Variants in FAM20A observed in about 807,000 individuals in gnomAD.
The protein encoded by FAM20A is FAM20A golgi associated secretory pathway pseudokinase.
In FAM20A, 42 loss-of-function variants were observed where a neutral mutation model predicts 52.0. The observed-to-expected ratio is 0.81, with a 90% CI of 0.63 to 1.04. The LOEUF (loss-of-function observed/expected upper bound fraction) is 1.04, where lower values mean the gene tolerates loss of function less well. Among genes scored for constraint, FAM20A ranks in the 50% least tolerant of loss-of-function variants. FAM20A has a pLI of 0.00. For synonymous variants in FAM20A, 304 were observed against 298.9 expected, an observed-to-expected ratio of 1.02 and a Z score of -0.18; for missense variants, 742 against 712.7, an observed-to-expected ratio of 1.04 and a Z score of -0.47.
intron 1 of FAM20A, among the ~76,000 whole-genome samples, chr17:68,576,863 C>A (rs540748526): frequency 1.3e-5 from 2 of 152,204 alleles, no homozygotes; most frequent in Non-Finnish European, 2.9e-5. Flanking sequence ...CCAGGCTGAG[C>A]TAGTTGCCTA....
chr17:68,546,646 C>T (rs1217717847), intron 4 of FAM20A, among the ~76,000 whole-genome samples: 3 of 151,912 alleles, frequency 2.0e-5, no homozygotes, highest in East Asian at 1.9e-4. Context: ...CTGGCTAACA[C>T]GGTGAAACCC....
At chr17:68,573,002 C>T (rs983805510) in intron 1 of FAM20A, among the ~76,000 whole-genome samples, 5 of 152,170 alleles carry the variant, frequency 3.3e-5, no homozygotes, top group Non-Finnish European at 7.3e-5. Context: ...AAGAGAAATG[C>T]ACCCCCGCTT....
intron 1 of FAM20A, among the ~76,000 whole-genome samples, chr17:68,585,152 G>C (rs1324424118): frequency 6.6e-6 from 1 of 152,184 alleles, no homozygotes; most frequent in Non-Finnish European, 1.5e-5. Context: ...AGGGAATCTA[G>C]GCTGGCCCTT....
intron 1 of FAM20A, among the ~76,000 whole-genome samples, chr17:68,576,319 C>T (rs2087766489): frequency 6.6e-6 from 1 of 152,222 alleles, no homozygotes. Context: ...AAGACAGGTC[C>T]ATTGTTAGCC....
chr17:68,580,494 C>T (rs1278693408), intron 1 of FAM20A, among the ~76,000 whole-genome samples: 1 of 152,214 alleles, frequency 6.6e-6, no homozygotes, highest in African/African-American at 2.4e-5. Context: ...CTAACTGTGT[C>T]CTTAACCTTA....
intron 4 of FAM20A, among the ~76,000 whole-genome samples, chr17:68,546,066 G>A (rs912503051): frequency 6.6e-6 from 1 of 151,328 alleles, no homozygotes; most frequent in Non-Finnish European, 1.5e-5. Flanking sequence ...CTACTTGGGA[G>A]GCTGAGGCAG....
At chr17:68,563,641 A>G (rs76082554) in intron 1 of FAM20A, among the ~76,000 whole-genome samples, 6,156 of 152,146 alleles carry the variant, frequency 0.04, 430 homozygotes, top group African/African-American at 0.14. Flanking sequence ...TCAACATGAT[A>G]GGCATCTTTC....
At chr17:68,588,816 C>A (rs1369008712) in intron 1 of FAM20A, among the ~76,000 whole-genome samples, 2 of 152,232 alleles carry the variant, frequency 1.3e-5, no homozygotes, top group Non-Finnish European at 2.9e-5. Context: ...TTTGAAGAGA[C>A]ACAATTCAGT....
chr17:68,573,696 T>G (rs1180270761), intron 1 of FAM20A, among the ~76,000 whole-genome samples: 1 of 151,692 alleles, frequency 6.6e-6, no homozygotes, highest in Non-Finnish European at 1.5e-5. Context: ...TTTTTTTCTT[T>G]CAACAGAGTT....
Position 68,542,789 on chromosome 17 carries a change from A to T in FAM20A, c.833T>A (p.Val278Glu). The T allele has an allele frequency of 6.2e-7, 1 of 1,614,070 alleles. No individual in the cohort carries two copies. Among genetic ancestry groups the T allele is most frequent in the Admixed American group, 1.7e-5 (1 of 60,028 alleles). The change falls in exon 6 of 11, where the codon GTG becomes GAG. Residue 278 changes from valine (V) to glutamate (E), a missense_variant. Physicochemically the swap from Val to Glu is moderately radical, Grantham distance 121 (BLOSUM62 -2). Coordinates refer to ENST00000592554, the MANE Select transcript of FAM20A (RefSeq NM_017565.4). ...HLDRILDFRR[V>E]PPTVGRIVNV... ...TACTATCCTCCCCACTGTTGGCGGC[A>T]CCCGTCGGAAGTCCAGAATCCTGCA...
intron 4 of FAM20A, among the ~76,000 whole-genome samples, chr17:68,548,725 A>AT (rs753348891): frequency 0.13 from 10,186 of 78,928 alleles, 1,175 homozygotes; most frequent in African/African-American, 0.21. Context: ...ATGCCTGTAT[A>AT]TTTTTTTTTT....
intron 1 of FAM20A, among the ~76,000 whole-genome samples, chr17:68,581,414 CTTTTTCTCT>C (rs767041979): frequency 3.2e-3 from 352 of 110,856 alleles, no homozygotes; most frequent in African/African-American, 0.01. Flanking sequence ...TTCTTTCTTT[CTTTTTCTCT>C]TTTCTTTCTT....
At chr17:68,583,632 G>T (rs1427956025) in intron 1 of FAM20A, among the ~76,000 whole-genome samples, 1 of 152,158 alleles carries the variant, frequency 6.6e-6, no homozygotes, top group African/African-American at 2.4e-5. Context: ...TAAGATGATA[G>T]TTGGCTGGTT....
intron 10 of FAM20A, among the ~76,000 whole-genome samples, chr17:68,539,040 C>G (rs1227618160): frequency 6.6e-6 from 1 of 152,114 alleles, no homozygotes; most frequent in Non-Finnish European, 1.5e-5. Context: ...GCTACAAAAC[C>G]TTTACAACAC....
In FAM20A at chr17:68,592,292, A is replaced by G. The variant is rs982840066; in HGVS notation, c.404+7971T>C. On this transcript the variant is annotated intron_variant, in intron 1 of 10. Coordinates refer to ENST00000592554, the MANE Select transcript of FAM20A (RefSeq NM_017565.4). ...AGTTAACTATGAATGGGGTTAAAAAAAAGTACGTGAGCCAGCTGTGGAGGC... is the reference window on the plus strand; with the variant it reads ...AGTTAACTATGAATGGGGTTAAAAAGAAGTACGTGAGCCAGCTGTGGAGGC... Among the ~76,000 whole-genome samples the G allele has an allele frequency of 4.9e-4, 74 of 152,212 alleles. 2 individuals carry two copies. Among genetic ancestry groups the G allele is most frequent in the Admixed American group, 4.8e-3 (74 of 15,288 alleles).
intron 3 of FAM20A, among the ~76,000 whole-genome samples, chr17:68,553,795 T>TAC (rs1600574821): frequency 1.9e-5 from 2 of 103,698 alleles, no homozygotes; most frequent in Non-Finnish European, 4.3e-5. Flanking sequence ...TGTATACACA[T>TAC]ACATATATAC....
In FAM20A at chr17:68,540,893, C is replaced by T. The variant is rs376802484; in HGVS notation, c.1175G>A (p.Arg392Gln). 1.4e-4 allele frequency: 222 copies of T among 1,605,560 alleles called. No homozygotes were observed. The highest frequency in any genetic ancestry group is 5.6e-4 in the East Asian group (25 of 44,754). ...KQIYPYNNSQRLLNVIDMAIF... is the reference protein window; with the variant it reads ...KQIYPYNNSQQLLNVIDMAIF... ...GGCCATGTCGATGACATTGAGGAGC[C>T]GCTGGCTGTTGTTGTACGGGTAGAT... The change falls in exon 8 of 11, where the codon CGG becomes CAG. Residue 392 changes from arginine to glutamine, a missense_variant. Physicochemically the swap from Arg to Gln is conservative, Grantham distance 43. Coordinates refer to ENST00000592554, the MANE Select transcript of FAM20A (RefSeq NM_017565.4).
chr17:68,574,140 T>C (rs1221893983), intron 1 of FAM20A, among the ~76,000 whole-genome samples: 3 of 151,674 alleles, frequency 2.0e-5, no homozygotes, highest in Non-Finnish European at 4.4e-5. Context: ...TCATGGCTCA[T>C]TGCAGCCTCA....
Position 68,535,811 on chromosome 17 carries a change from T to C in FAM20A, c.*1666A>G, listed in dbSNP as rs1292760070. On this transcript the variant is annotated 3_prime_UTR_variant, in exon 11 of 11. Transcript: ENST00000592554. ...GGTGTGAGCCCATGCCCAGCTGATT[T>C]TTTTTTTAAGCAAACAAATTTGACT... 5 of 454,034 alleles carry C rather than the reference T, an allele frequency of 1.1e-5. No individual in the cohort carries two copies. In the East Asian group the frequency reaches 3.5e-4, roughly 32 times the overall value. 28.1% of individuals were successfully genotyped at this position (454,034 alleles called of 1,614,324 possible).
Sources: gnomAD v4.1 joint callset for allele counts (sites outside exome capture counted in the v4.1 genomes callset) on GRCh38, gnomAD v4.1.1 for gene constraint, MANE v1.5 for transcripts, NCBI Gene and HGNC (gene_info 2026-07-23, HGNC 2026-07-21) for gene names.